The following TMEM63B variants were observed in gnomAD, a reference collection of about 807,000 sequenced individuals.
TMEM63B encodes the protein transmembrane protein 63B.
A neutral mutation model predicts 102.6 loss-of-function variants in TMEM63B; 23 were observed. The observed-to-expected ratio is 0.22, with a 90% confidence interval of 0.16 to 0.32. The LOEUF (loss-of-function observed/expected upper bound fraction) is 0.32, where lower values mean the gene tolerates loss of function less well. Ranked by LOEUF, TMEM63B falls within the 10% of genes least tolerant of loss-of-function variation. The pLI is 1.00. For synonymous variants in TMEM63B, 444 were observed against 437.0 expected (o/e 1.02, Z -0.20); for missense variants, 628 against 1,095.9 (o/e 0.57, Z 6.03).
chr6:44,144,520 A>G (rs1269085076), intron 10 of TMEM63B, among the ~76,000 whole-genome samples: 1 of 152,106 alleles, frequency 6.6e-6, no homozygotes, highest in East Asian at 1.9e-4. Flanking sequence ...TCATGGGTTT[A>G]TGAGGACTAT....
intron 15 of TMEM63B, chr6:44,149,156 G>A (rs1766043897): frequency 1.6e-6 from 1 of 640,536 alleles, no homozygotes. Context: ...GCAACACCTG[G>A]AGAAACACCC....
intron 15 of TMEM63B, chr6:44,149,215 T>G (rs2128259288): frequency 1.9e-6 from 1 of 526,496 alleles, no homozygotes; most frequent in Non-Finnish European, 3.4e-6. Context: ...AGAAGTCCCC[T>G]TCCCTCACCC....
intron 10 of TMEM63B, among the ~76,000 whole-genome samples, chr6:44,143,887 A>G (rs954033753): frequency 2.0e-5 from 3 of 152,204 alleles, no homozygotes; most frequent in Non-Finnish European, 4.4e-5. Flanking sequence ...AGTGAACCCT[A>G]CTAGTCAACT....
intron 23 of TMEM63B, 62 bp from the exon 24 acceptor site, chr6:44,154,630 G>T (rs899800780): frequency 4.6e-6 from 7 of 1,512,142 alleles, no homozygotes; most frequent in Non-Finnish European, 6.2e-6. Flanking sequence ...ACATGCCCTG[G>T]TGTTCCCGCA....
chr6:44,152,514 C>A lies in TMEM63B; in HGVS notation c.1837-79C>A. On this transcript the variant is annotated intron_variant, in intron 19 of 23. Transcript: ENST00000323267. The surrounding 1 kb of genome is among the most constrained non-coding windows in gnomAD (Gnocchi z 6.4). ...TTTCCGGCCCCAGAGGTCCTGGCTC[C>A]CTTCCCCCTCCCTCCTTCCCTGCCC... 1 of 1,008,118 alleles carries A rather than the reference C, an allele frequency of 9.9e-7. No homozygotes were observed. Among genetic ancestry groups the A allele is most frequent in the Admixed American group, 1.8e-5 (1 of 55,262 alleles). 62.4% of individuals were successfully genotyped at this position (1,008,118 alleles called of 1,614,324 possible). A position where few individuals can be genotyped will look rare whatever the true frequency, so the allele number is the denominator to read the frequency against.
At chr6:44,133,160 A>G (rs1030707949) in intron 1 of TMEM63B, among the ~76,000 whole-genome samples, 7 of 152,170 alleles carry the variant, frequency 4.6e-5, no homozygotes, top group African/African-American at 1.7e-4. Flanking sequence ...GGACTGGAAA[A>G]GGAAGAGGCA....
Position 44,150,857 on chromosome 6 carries a change from G to A in TMEM63B, c.1673+228G>A, listed in dbSNP as rs1766454226. On this transcript the variant is annotated intron_variant, in intron 18 of 23. Transcript: ENST00000323267. This position sits in a 1 kb window ranked among gnomAD's most constrained non-coding sequence, Gnocchi z 4.7. ...GTTGGTGTTCACTCTCTGGTAACCTGTTTGGATGCTAAGATCATCCTCAAG... is the reference window on the plus strand; with the variant it reads ...GTTGGTGTTCACTCTCTGGTAACCTATTTGGATGCTAAGATCATCCTCAAG... Among the ~76,000 whole-genome samples the A allele has an allele frequency of 6.6e-6, 1 of 152,202 alleles. No individual in the cohort carries two copies. The highest frequency in any genetic ancestry group is 2.1e-4 in the South Asian group (1 of 4,820).
Position 44,127,600 on chromosome 6 carries a change from G to A in TMEM63B, c.-103G>A, listed in dbSNP as rs1777420881. ...AGGAGCCCGGAGCTCGAGCCGCCCA[G>A]CGACTCCCCCTCCCCCTCCCCCAGC... On this transcript the variant is annotated 5_prime_UTR_variant, in exon 1 of 24. Transcript: ENST00000323267. The A allele has an allele frequency of 7.5e-6, 1 of 133,036 alleles. No individual in the cohort carries two copies. The highest frequency in any genetic ancestry group is 2.8e-5 in the African/African-American group (1 of 35,804). The allele number at this position is 133,036 out of a possible 1,614,324, so 8.2% of individuals were successfully genotyped here. A position where few individuals can be genotyped will look rare whatever the true frequency, so the allele number is the denominator to read the frequency against.
intron 12 of TMEM63B, among the ~76,000 whole-genome samples, chr6:44,147,965 AT>A (rs1259145219): frequency 1.3e-5 from 2 of 152,208 alleles, no homozygotes; most frequent in Non-Finnish European, 2.9e-5. Context: ...TCTACAAAAA[AT>A]ACAAAAATTA....
In TMEM63B at chr6:44,150,453, C is replaced by A. The variant is rs1766363617; in HGVS notation, c.1608-111C>A. On this transcript the variant is annotated intron_variant, in intron 17 of 23. Coordinates refer to ENST00000323267, the MANE Select transcript of TMEM63B (RefSeq NM_018426.3). The surrounding 1 kb of genome is among the most constrained non-coding windows in gnomAD (Gnocchi z 4.7). Reference sequence around the variant, plus strand: ...GCCACCCCCAGGCCTCCTGAGCTACCCACCCCATGTCTGGGAGTCTCCCCA... The same window carrying A: ...GCCACCCCCAGGCCTCCTGAGCTACACACCCCATGTCTGGGAGTCTCCCCA... 1 of 1,474,476 alleles carries A rather than the reference C, an allele frequency of 6.8e-7. No homozygotes were observed. The highest frequency in any genetic ancestry group is 1.4e-5 in the African/African-American group (1 of 72,020). The allele number at this position is 1,474,476 out of a possible 1,614,324, so 91.3% of individuals were successfully genotyped here. A position where few individuals can be genotyped will look rare whatever the true frequency, so the allele number is the denominator to read the frequency against.
intron 5 of TMEM63B, among the ~76,000 whole-genome samples, chr6:44,138,075 G>A (rs1350688742): frequency 1.3e-5 from 2 of 152,134 alleles, no homozygotes; most frequent in African/African-American, 4.8e-5. Context: ...AGGATAAATA[G>A]CTGGAATTCA....
Position 44,154,173 on chromosome 6 carries a change from T to G in TMEM63B, c.2211T>G (p.Ser737Arg). 1 of 1,613,978 alleles carries G rather than the reference T, an allele frequency of 6.2e-7. No homozygotes were observed. Among genetic ancestry groups the G allele is most frequent in the Middle Eastern group, 1.7e-4 (1 of 6,058 alleles). The change falls in exon 22 of 24, where the codon AGT (serine) becomes AGG (arginine). Residue 737 changes from serine to arginine, a missense_variant. By Grantham distance (110) the Ser-to-Arg change is moderately radical. This residue lies in a region of TMEM63B where 129 missense variants were observed against 153.5 expected (regional missense o/e 0.84). Coordinates refer to ENST00000323267, the MANE Select transcript of TMEM63B (RefSeq NM_018426.3). ...HVCFGHFKYLSAHNYKIEHTE... is the reference protein window; with the variant it reads ...HVCFGHFKYLRAHNYKIEHTE... ...GCTTTGGACACTTCAAATACCTCAGTGCCCACAACTACAAGGTGTGGGGCA... is the reference window on the plus strand; with the variant it reads ...GCTTTGGACACTTCAAATACCTCAGGGCCCACAACTACAAGGTGTGGGGCA...
chr6:44,138,739 C>CCCCG (rs1763563073), intron 6 of TMEM63B: 2 of 400,180 alleles, frequency 5.0e-6, no homozygotes, highest in Non-Finnish European at 9.4e-6. Context: ...CCTGCCGGCC[C>CCCCG]CCCCGCTTCT....
rs755369939 is a variant in TMEM63B, at chr6:44,135,071, C to T, written c.214C>T (p.Leu72=). The T allele has an allele frequency of 3.7e-5, 59 of 1,614,132 alleles. 1 individual carries two copies. In the South Asian group the frequency reaches 6.5e-4, roughly 18 times the overall value. ...GAAGGTGGCCTGGGACTATGGGCGG[C>T]TGGCCTTGGTGACAGATGCAGACAG... is the stretch of plus-strand genomic sequence containing the variant. The part of the protein sequence containing the change: ...LRKVAWDYGR[L]ALVTDADRLR... The change falls in exon 3 of 24, where the codon CTG becomes TTG. Residue 72 remains leucine (L), a synonymous_variant. Coordinates refer to ENST00000323267, the MANE Select transcript of TMEM63B (RefSeq NM_018426.3).
At chr6:44,134,769 C>G (rs1333477084) in intron 2 of TMEM63B, 26 bp downstream of exon 2, 2 of 1,606,524 alleles carry the variant, frequency 1.2e-6, no homozygotes, top group Non-Finnish European at 1.7e-6. Context: ...CACCCCTTAC[C>G]TTGGCATCCA....
intron 15 of TMEM63B, 51 bp from the exon 16 acceptor site, chr6:44,149,808 C>T (rs1766205752): frequency 6.7e-7 from 1 of 1,486,172 alleles, no homozygotes; most frequent in South Asian, 1.2e-5. Flanking sequence ...AGCAAAGCCA[C>T]CTGGGCCCCC....
chr6:44,154,281 C>T (rs765961848), intron 22 of TMEM63B, 84 bp from the exon 23 acceptor site: 92 of 1,598,280 alleles, frequency 5.8e-5, no homozygotes, highest in East Asian at 8.9e-5. Flanking sequence ...CTGAGGGCAG[C>T]GCCAACAGGG....
At chr6:44,136,768 A>G (rs905934254) in intron 5 of TMEM63B, among the ~76,000 whole-genome samples, 2 of 152,220 alleles carry the variant, frequency 1.3e-5, no homozygotes, top group African/African-American at 4.8e-5. Context: ...AGAAATAATA[A>G]TAAGCCCTTG....
upstream of TMEM63B, chr6:44,127,171 C>CCCCTCCCCGTCGGGACCCCT (rs1777225263): frequency 8.8e-6 from 1 of 113,306 alleles, no homozygotes; most frequent in South Asian, 2.6e-4. Flanking sequence ...CGTCGGGACC[C>CCCCTCCCCGTCGGGACCCCT]CCCTCCCCGT....
Sources: gnomAD v4.1 joint callset for allele counts (sites outside exome capture counted in the v4.1 genomes callset) on GRCh38, gnomAD v4.1.1 for gene constraint, gnomAD v4.1.1 regional missense constraint, Gnocchi (gnomAD v3.1) non-coding constraint, MANE v1.5 for transcripts, NCBI Gene and HGNC (gene_info 2026-07-23, HGNC 2026-07-21) for gene names.